NYAP2: variants seen among roughly 807,000 people sequenced by gnomAD.
The protein encoded by NYAP2 is neuronal tyrosine-phosphorylated phosphoinositide-3-kinase adaptor 2.
Under a neutral mutation model 50.4 loss-of-function variants are expected in NYAP2, and 23 were observed. That is an observed-to-expected ratio of 0.46 (90% confidence interval 0.33 to 0.65). NYAP2 has a LOEUF of 0.65. NYAP2 is among the 30% of genes least tolerant of loss of function. NYAP2 has a pLI of 0.02. For missense variants in NYAP2, 885 were observed against 861.0 expected, an observed-to-expected ratio of 1.03 and a Z score of -0.35; for synonymous variants, 394 against 365.2, an observed-to-expected ratio of 1.08 and a Z score of -0.90.
At chr2:225,465,671 G>A (rs556121752) in intron 3 of NYAP2, among the ~76,000 whole-genome samples, 17 of 152,192 alleles carry the variant, frequency 1.1e-4, no homozygotes, top group Non-Finnish European at 2.2e-4. Context: ...AGCCGAGATC[G>A]CGCCACTGCA....
chr2:225,519,250 A>C (rs1559202795), intron 4 of NYAP2, among the ~76,000 whole-genome samples: 2 of 151,348 alleles, frequency 1.3e-5, no homozygotes, highest in African/African-American at 4.9e-5. Context: ...AGAATATTTT[A>C]TTTTTTTATT....
the NYAP2 span, among the ~76,000 whole-genome samples, chr2:225,672,798 C>T: frequency 6.0e-5 from 5 of 83,950 alleles, no homozygotes; most frequent in Non-Finnish European, 1.0e-4. Flanking sequence ...AGAGGGAGGC[C>T]TGAGGAGAGG....
chr2:225,518,578 G>C (rs1690983375), intron 4 of NYAP2, among the ~76,000 whole-genome samples: 1 of 45,038 alleles, frequency 2.2e-5, no homozygotes, highest in South Asian at 9.3e-4. Flanking sequence ...ATTAGCGTGT[G>C]CGCTTATATA....
the NYAP2 span, among the ~76,000 whole-genome samples, chr2:225,695,528 T>A: frequency 6.6e-6 from 1 of 151,764 alleles, no homozygotes; most frequent in Non-Finnish European, 1.5e-5. Flanking sequence ...ATTTAAGTCA[T>A]AAAACTTCTA....
the NYAP2 span, among the ~76,000 whole-genome samples, chr2:225,659,065 A>G: frequency 6.6e-6 from 1 of 152,212 alleles, no homozygotes; most frequent in Non-Finnish European, 1.5e-5. Context: ...ATTCTGTCAG[A>G]GCAAGGAGGG....
chr2:225,563,382 G>T (rs946908405), intron 4 of NYAP2, among the ~76,000 whole-genome samples: 1 of 152,148 alleles, frequency 6.6e-6, no homozygotes, highest in African/African-American at 2.4e-5. Flanking sequence ...TTTGACAAAA[G>T]AGCCTGGTGT....
rs1292351072 is a variant in NYAP2, at chr2:225,456,929, T to G, written c.221+47828T>G. On this transcript the variant is annotated intron_variant, in intron 3 of 6. Coordinates refer to ENST00000636099, the Ensembl canonical transcript of NYAP2. ...CAAAAGACTTTCCCCCCTTCTTCTG[T>G]GCCCAAGCTATCTTATCTGTGTTTT... Among the ~76,000 whole-genome samples, 3 of 152,210 alleles carry G rather than the reference T, an allele frequency of 2.0e-5. No individual in the cohort carries two copies. In the East Asian group the frequency reaches 5.8e-4, roughly 29 times the overall value.
the NYAP2 span, among the ~76,000 whole-genome samples, chr2:225,665,834 A>AAAAAAAAAAC: frequency 6.9e-6 from 1 of 145,514 alleles, no homozygotes; most frequent in Non-Finnish European, 1.5e-5. Flanking sequence ...AAAAAAAAAA[A>AAAAAAAAAAC]AAAGCCCACC....
chr2:225,559,532 A>T (rs908441096), intron 4 of NYAP2, among the ~76,000 whole-genome samples: 1 of 152,100 alleles, frequency 6.6e-6, no homozygotes, highest in Non-Finnish European at 1.5e-5. Flanking sequence ...CAGTAACCTC[A>T]TTCCTTTACT....
At chr2:225,513,310 A>G (rs1229824406) in intron 3 of NYAP2, 61 bp from the exon 4 acceptor site, 9 of 1,482,922 alleles carry the variant, frequency 6.1e-6, no homozygotes, top group Admixed American at 5.4e-5. Flanking sequence ...TCTCACATGT[A>G]TGATCTTGTA....
At chr2:225,550,544 C>G (rs1172618643) in intron 4 of NYAP2, among the ~76,000 whole-genome samples, 1 of 152,082 alleles carries the variant, frequency 6.6e-6, no homozygotes, top group Non-Finnish European at 1.5e-5. Flanking sequence ...AGGAGGCAAA[C>G]ATAATTTTTT....
At position 225,513,319 on chromosome 2, in the gene NYAP2, T is replaced by C. The variant is rs78211361; in HGVS notation, c.222-52T>C. On this transcript the variant is annotated intron_variant, in intron 3 of 6. Coordinates refer to ENST00000636099, the Ensembl canonical transcript of NYAP2. Reference sequence around the variant, plus strand: ...TAATATTCTCACATGTATGATCTTGTATATCCTGGCTCCTTTTGTCTTCAT... The same window carrying C: ...TAATATTCTCACATGTATGATCTTGCATATCCTGGCTCCTTTTGTCTTCAT... 5.5e-3 allele frequency: 8,545 copies of C among 1,541,808 alleles called. 417 individuals are homozygous for C. In the African/African-American group the frequency reaches 0.1, roughly 18 times the overall value.
intron 4 of NYAP2, among the ~76,000 whole-genome samples, chr2:225,550,852 G>A (rs544207873): frequency 6.0e-4 from 91 of 152,218 alleles, no homozygotes; most frequent in Non-Finnish European, 1.0e-3. Context: ...ATGAAGAACC[G>A]GCTGTAAATT....
the NYAP2 span, among the ~76,000 whole-genome samples, chr2:225,665,806 C>CAAAAAAAAA: frequency 2.3e-4 from 1 of 4,426 alleles, no homozygotes. Flanking sequence ...AAGCCTCCGT[C>CAAAAAAAAA]TAAAAAAAAA....
intron 4 of NYAP2, among the ~76,000 whole-genome samples, chr2:225,570,524 A>G (rs1164952483): frequency 6.6e-6 from 1 of 152,132 alleles, no homozygotes; most frequent in African/African-American, 2.4e-5. Context: ...GGGCAGCAGG[A>G]GAGAGAATGA....
intron 5 of NYAP2, among the ~76,000 whole-genome samples, chr2:225,620,282 CTCTTT>C (rs763281592): frequency 6.6e-6 from 1 of 152,164 alleles, no homozygotes; most frequent in Admixed American, 6.5e-5. Context: ...TTCAATTTGT[CTCTTT>C]TCAACAGCTA....
At chr2:225,456,699 A>G (rs1292384483) in intron 3 of NYAP2, among the ~76,000 whole-genome samples, 2 of 152,102 alleles carry the variant, frequency 1.3e-5, no homozygotes, top group Non-Finnish European at 2.9e-5. Flanking sequence ...CCTAGACCAC[A>G]TAGGCCAACT....
At chr2:225,592,726 A>T (rs1340311395) in intron 5 of NYAP2, among the ~76,000 whole-genome samples, 1 of 152,194 alleles carries the variant, frequency 6.6e-6, no homozygotes, top group Admixed American at 6.5e-5. Flanking sequence ...ACATAATTTC[A>T]TAAATAATTG....
At chr2:225,448,026 AC>A (rs1371630868) in intron 3 of NYAP2, among the ~76,000 whole-genome samples, 1 of 152,170 alleles carries the variant, frequency 6.6e-6, no homozygotes, top group Non-Finnish European at 1.5e-5. Flanking sequence ...AAGCTAATGA[AC>A]CTGGGAAGCT....
Sources: allele counts gnomAD v4.1 joint callset (sites outside exome capture counted in the v4.1 genomes callset), GRCh38; gene constraint gnomAD v4.1.1; transcripts MANE v1.5; gene names NCBI Gene and HGNC (gene_info 2026-07-23, HGNC 2026-07-21).